Variants in COLEC10 observed in about 807,000 individuals in gnomAD.
COLEC10 encodes the protein collectin subfamily member 10.
Under a neutral mutation model 28.4 loss-of-function variants are expected in COLEC10, and 22 were observed. The ratio of observed to expected loss-of-function variants is 0.78; its 90% CI spans 0.55 to 1.11. COLEC10 has a LOEUF of 1.11. COLEC10 is among the 50% of genes least tolerant of loss of function. The probability of loss-of-function intolerance (pLI) is 0.00; values close to 1 mark genes in which losing one functional copy is unlikely to be tolerated. For missense variants in COLEC10, 361 were observed against 344.1 expected (o/e 1.05, Z -0.39); for synonymous variants, 125 against 116.1 (o/e 1.08, Z -0.49).
intron 2 of COLEC10, among the ~76,000 whole-genome samples, chr8:119,057,984 T>C (rs1431651273): frequency 6.6e-6 from 1 of 152,066 alleles, no homozygotes; most frequent in Admixed American, 6.6e-5. Flanking sequence ...TTTAGTTGTA[T>C]CTATATTAAT....
intron 1 of COLEC10, among the ~76,000 whole-genome samples, chr8:119,005,397 A>G (rs1813776099): frequency 6.6e-6 from 1 of 152,148 alleles, no homozygotes; most frequent in Non-Finnish European, 1.5e-5. Context: ...TCCTCAAGCT[A>G]CACAGTTTTT....
chr8:118,971,994 T>G, the COLEC10 span, among the ~76,000 whole-genome samples: 2 of 152,052 alleles, frequency 1.3e-5, no homozygotes, highest in South Asian at 2.1e-4. Flanking sequence ...CTTTACTGCT[T>G]CCCTCTCCTA....
intron 2 of COLEC10, among the ~76,000 whole-genome samples, chr8:119,031,525 G>T (rs1814287646): frequency 6.6e-6 from 1 of 152,190 alleles, no homozygotes; most frequent in South Asian, 2.1e-4. Context: ...TACCAAATAA[G>T]ATAGTGTCAT....
chr8:119,070,361 C>G (rs1327619997), intron 1 of COLEC10, among the ~76,000 whole-genome samples: 1 of 152,148 alleles, frequency 6.6e-6, no homozygotes, highest in South Asian at 2.1e-4. Flanking sequence ...CAAAATGACT[C>G]TGTTGCAAGC....
chr8:119,091,595 GAGAA>G (rs200954056), intron 3 of COLEC10, among the ~76,000 whole-genome samples: 313 of 138,550 alleles, frequency 2.3e-3, no homozygotes, highest in East Asian at 0.016. Context: ...GAGAGAGAGA[GAGAA>G]AGAAAGAAAG....
upstream of COLEC10, among the ~76,000 whole-genome samples, chr8:119,062,479 A>ATT (rs60708114): frequency 3.4e-5 from 5 of 146,706 alleles, no homozygotes; most frequent in Non-Finnish European, 6.0e-5. Flanking sequence ...TGAATATTTG[A>ATT]TTTTTTTTTT....
At chr8:119,033,730 G>C (rs1814335987) in intron 2 of COLEC10, among the ~76,000 whole-genome samples, 1 of 152,134 alleles carries the variant, frequency 6.6e-6, no homozygotes, top group African/African-American at 2.4e-5. Context: ...CATTTAAAAA[G>C]TCAGGAAATA....
At chr8:119,095,436 C>T (rs1401908767) in intron 3 of COLEC10, among the ~76,000 whole-genome samples, 1 of 152,136 alleles carries the variant, frequency 6.6e-6, no homozygotes, top group Non-Finnish European at 1.5e-5. Context: ...GGCACGGTGG[C>T]TCATGCTTTT....
intron 2 of COLEC10, among the ~76,000 whole-genome samples, chr8:119,015,287 A>C (rs1197651787): frequency 6.6e-6 from 1 of 150,538 alleles, no homozygotes. Context: ...ACTGAATTTC[A>C]TATATGTTTC....
At chr8:118,968,328 A>G in the COLEC10 span, among the ~76,000 whole-genome samples, 1 of 151,962 alleles carries the variant, frequency 6.6e-6, no homozygotes, top group Non-Finnish European at 1.5e-5. Flanking sequence ...TGTAACTAAA[A>G]TCTTTGCTCT....
At chr8:119,002,867 T>A (rs1348138343) in intron 1 of COLEC10, among the ~76,000 whole-genome samples, 1 of 152,134 alleles carries the variant, frequency 6.6e-6, no homozygotes, top group South Asian at 2.1e-4. Flanking sequence ...ATTTCAAATC[T>A]TGGGTTTTTG....
chr8:119,081,097 C>G lies in COLEC10; in HGVS notation c.149-8583C>G, dbSNP rs572102628. On this transcript the variant is annotated intron_variant, in intron 1 of 5. Coordinates refer to ENST00000332843, the MANE Select transcript of COLEC10 (RefSeq NM_006438.5). ...TTATCCATTTGTTTTTACTGTTACTCCTATAAAATAGGTTGCCTAAGGCAA... is the reference window on the plus strand; with the variant it reads ...TTATCCATTTGTTTTTACTGTTACTGCTATAAAATAGGTTGCCTAAGGCAA... Among the ~76,000 whole-genome samples, 7 of 152,142 alleles carry G rather than the reference C, an allele frequency of 4.6e-5. No individual in the cohort carries two copies. In the South Asian group the frequency reaches 1.5e-3, roughly 32 times the overall value.
chr8:119,078,768 G>A (rs1358432425), intron 1 of COLEC10, among the ~76,000 whole-genome samples: 1 of 151,946 alleles, frequency 6.6e-6, no homozygotes, highest in East Asian at 1.9e-4. Flanking sequence ...CTGAGATGTT[G>A]GTATACATAA....
intron 2 of COLEC10, among the ~76,000 whole-genome samples, chr8:119,059,072 C>T (rs1383609432): frequency 6.6e-6 from 1 of 151,924 alleles, no homozygotes; most frequent in Non-Finnish European, 1.5e-5. Context: ...AAAAATTTTG[C>T]CCATTTTTAA....
Position 119,098,275 on chromosome 8 carries a change from C to T in COLEC10, c.293-4073C>T, listed in dbSNP as rs116054574. On this transcript the variant is annotated intron_variant, in intron 3 of 5. Coordinates refer to ENST00000332843, the MANE Select transcript of COLEC10 (RefSeq NM_006438.5). Reference sequence around the variant, plus strand: ...TGTAAGGTGGGAGCATAGTAGATGACGAAGACAAGAAAGGCTCAAGAGTTT... The same window carrying T: ...TGTAAGGTGGGAGCATAGTAGATGATGAAGACAAGAAAGGCTCAAGAGTTT... Among the ~76,000 whole-genome samples the T allele has an allele frequency of 3.5e-3, 537 of 152,054 alleles. 1 individual carries two copies. Among genetic ancestry groups the T allele is most frequent in the African/African-American group, 0.011 (471 of 41,506 alleles).
chr8:119,007,946 G>A (rs1182608891), intron 1 of COLEC10, among the ~76,000 whole-genome samples: 1 of 150,676 alleles, frequency 6.6e-6, no homozygotes, highest in Non-Finnish European at 1.5e-5. Context: ...CATTAACCCT[G>A]AGCCTGACAC....
At chr8:118,979,008 T>C in the COLEC10 span, among the ~76,000 whole-genome samples, 1 of 152,094 alleles carries the variant, frequency 6.6e-6, no homozygotes, top group Non-Finnish European at 1.5e-5. Context: ...AGAGATGTTT[T>C]AAATTTAAGT....
chr8:119,086,518 C>A (rs1417940541), intron 1 of COLEC10, among the ~76,000 whole-genome samples: 1 of 152,046 alleles, frequency 6.6e-6, no homozygotes, highest in African/African-American at 2.4e-5. Flanking sequence ...TTCATCTGTG[C>A]CAGAAGCCTG....
At chr8:119,093,678 T>C (rs1306079043) in intron 3 of COLEC10, among the ~76,000 whole-genome samples, 1 of 152,224 alleles carries the variant, frequency 6.6e-6, no homozygotes, top group Non-Finnish European at 1.5e-5. Context: ...ACTACTCCCC[T>C]AACAAGGCTT....
Sources: gnomAD v4.1 joint callset for allele counts (sites outside exome capture counted in the v4.1 genomes callset) on GRCh38, gnomAD v4.1.1 for gene constraint, MANE v1.5 for transcripts, NCBI Gene and HGNC (gene_info 2026-07-23, HGNC 2026-07-21) for gene names.